FGF14: variants seen among roughly 807,000 people sequenced by gnomAD.
FGF14 encodes the protein fibroblast growth factor homologous factor 4.
Under a neutral mutation model 25.5 loss-of-function variants are expected in FGF14, and 5 were observed. That is an observed-to-expected ratio of 0.20 (90% CI 0.10 to 0.41). FGF14 has a LOEUF of 0.41. Among genes scored for constraint, FGF14 ranks in the 10% least tolerant of loss-of-function variants. The pLI is 1.00. For missense variants in FGF14, 222 were observed against 320.1 expected, an observed-to-expected ratio of 0.69 and a Z score of 2.34; for synonymous variants, 138 against 118.3, an observed-to-expected ratio of 1.17 and a Z score of -1.08.
At chr13:102,047,029 A>G (rs2042014441) in intron 1 of FGF14, among the ~76,000 whole-genome samples, 1 of 152,178 alleles carries the variant, frequency 6.6e-6, no homozygotes, top group Non-Finnish European at 1.5e-5. Flanking sequence ...ATAGTATTCA[A>G]ATAATCAAAA....
intron 1 of FGF14, among the ~76,000 whole-genome samples, chr13:101,880,604 A>T (rs1470759866): frequency 6.6e-6 from 1 of 152,044 alleles, no homozygotes; most frequent in African/African-American, 2.4e-5. Context: ...ACAAATGAAA[A>T]ACCCAAACAG....
At chr13:101,757,458 G>T (rs886285137) in intron 3 of FGF14, among the ~76,000 whole-genome samples, 1 of 152,150 alleles carries the variant, frequency 6.6e-6, no homozygotes, top group South Asian at 2.1e-4. Flanking sequence ...GCAATAGCTT[G>T]GTTTTAAATA....
At chr13:102,136,432 A>C (rs1017869685) in intron 1 of FGF14, among the ~76,000 whole-genome samples, 5 of 152,090 alleles carry the variant, frequency 3.3e-5, no homozygotes, top group African/African-American at 1.2e-4. Flanking sequence ...CTTATTACAC[A>C]TTTGAGCTCA....
chr13:102,284,326 A>G (rs1484283269), intron 1 of FGF14, among the ~76,000 whole-genome samples: 1 of 152,210 alleles, frequency 6.6e-6, no homozygotes, highest in African/African-American at 2.4e-5. Flanking sequence ...GAAGTCCTCA[A>G]TAAAATTTGT....
rs79395937 is a variant in FGF14 at position 102,329,996 on chromosome 13, A to G, written c.208+71475T>C. Among the ~76,000 whole-genome samples the G allele has an allele frequency of 9.2e-5, 14 of 152,200 alleles. No individual in the cohort carries two copies. The East Asian group carries it at 1.5e-3, about 17-fold the overall frequency. ...CTTGAGCATCATGTTCACTTCCCCA[A>G]AGTTAAACCCGCAATCGTGCCAGTT... On this transcript the variant is annotated intron_variant, in intron 1 of 4. Transcript: ENST00000376131.
intron 1 of FGF14, among the ~76,000 whole-genome samples, chr13:102,001,061 C>T (rs986373022): frequency 6.6e-6 from 1 of 151,848 alleles, no homozygotes; most frequent in African/African-American, 2.4e-5. Context: ...AAACAGAGAG[C>T]ATAAATAGCA....
chr13:102,260,159 G>C (rs1003628718), intron 1 of FGF14, among the ~76,000 whole-genome samples: 1 of 152,026 alleles, frequency 6.6e-6, no homozygotes, highest in African/African-American at 2.4e-5. Flanking sequence ...GAGGGGAGGA[G>C]AGAGTAAGTT....
intron 3 of FGF14, chr13:101,778,736 T>C (rs538982426): frequency 6.6e-6 from 1 of 152,200 alleles, no homozygotes; most frequent in Non-Finnish European, 1.5e-5. Flanking sequence ...TGTGGTTGTG[T>C]GTTTTTATGA....
intron 3 of FGF14, among the ~76,000 whole-genome samples, chr13:101,831,403 C>T (rs1277037804): frequency 6.6e-6 from 1 of 151,914 alleles, no homozygotes; most frequent in Non-Finnish European, 1.5e-5. Flanking sequence ...ATTGAATTTT[C>T]ATCAGAGAGT....
At chr13:102,197,706 G>C (rs2140861428) in intron 1 of FGF14, among the ~76,000 whole-genome samples, 1 of 151,714 alleles carries the variant, frequency 6.6e-6, no homozygotes, top group East Asian at 1.9e-4. Flanking sequence ...TACATACGTA[G>C]CATAACACAC....
At chr13:101,912,596 G>A (rs1300207297) in intron 1 of FGF14, among the ~76,000 whole-genome samples, 1 of 151,730 alleles carries the variant, frequency 6.6e-6, no homozygotes, top group Admixed American at 6.6e-5. Flanking sequence ...CCTTTCTTTG[G>A]CTAAATCAAT....
intron 1 of FGF14, among the ~76,000 whole-genome samples, chr13:101,897,459 C>T (rs544866914): frequency 6.6e-6 from 1 of 152,142 alleles, no homozygotes; most frequent in Non-Finnish European, 1.5e-5. Context: ...GATTTCTTGT[C>T]AGGGCTACTC....
intron 1 of FGF14, among the ~76,000 whole-genome samples, chr13:102,248,931 AAATTTCAAGTCTAGATGGTCAAGAG>A (rs1447449002): frequency 6.6e-5 from 10 of 152,124 alleles, no homozygotes; most frequent in Admixed American, 1.3e-4. Flanking sequence ...CCAAACCCCA[AAATTTCAAGTCTAGATGGTCAAGAG>A]AATAACAGTG....
At chr13:102,375,694 C>A (rs973887258) in intron 1 of FGF14, among the ~76,000 whole-genome samples, 2 of 152,110 alleles carry the variant, frequency 1.3e-5, no homozygotes, top group African/African-American at 2.4e-5. Context: ...ATGAGAGTTT[C>A]TTTTCATGCA....
intron 1 of FGF14, among the ~76,000 whole-genome samples, chr13:102,350,685 C>T (rs2138972514): frequency 6.6e-6 from 1 of 152,320 alleles, no homozygotes; most frequent in East Asian, 1.9e-4. Context: ...AGTCAGCCGA[C>T]AAGCACTGTA....
intron 1 of FGF14, among the ~76,000 whole-genome samples, chr13:102,359,812 T>C (rs2057515997): frequency 6.6e-6 from 1 of 151,104 alleles, no homozygotes; most frequent in South Asian, 2.1e-4. Flanking sequence ...GAAACTACTA[T>C]GGTGGTTTAG....
intron 1 of FGF14, among the ~76,000 whole-genome samples, chr13:101,907,333 A>T (rs1172670336): frequency 6.6e-6 from 1 of 152,168 alleles, no homozygotes; most frequent in East Asian, 1.9e-4. Context: ...AATACTCTCA[A>T]TTAGAAACCC....
At chr13:101,737,993 A>G (rs148635936) in intron 3 of FGF14, among the ~76,000 whole-genome samples, 1 of 152,334 alleles carries the variant, frequency 6.6e-6, no homozygotes, top group East Asian at 1.9e-4. Context: ...TGGAGGAAAT[A>G]TAAGCAGGTT....
intron 1 of FGF14, among the ~76,000 whole-genome samples, chr13:102,397,806 A>G (rs1334661414): frequency 6.6e-6 from 1 of 152,160 alleles, no homozygotes; most frequent in Non-Finnish European, 1.5e-5. Flanking sequence ...TATTATATAC[A>G]TTGGTCAATC....
Sources: allele counts gnomAD v4.1 joint callset (sites outside exome capture counted in the v4.1 genomes callset), GRCh38; gene constraint gnomAD v4.1.1; transcripts MANE v1.5; gene names NCBI Gene and HGNC (gene_info 2026-07-23, HGNC 2026-07-21).